CDH18: variants seen among roughly 807,000 people sequenced by gnomAD.
CDH18 encodes the protein cadherin-18.
A neutral mutation model predicts 67.9 loss-of-function variants in CDH18; 31 were observed. The ratio of observed to expected loss-of-function variants is 0.46; its 90% confidence interval spans 0.34 to 0.62. CDH18 has a LOEUF of 0.62. CDH18 is among the 20% of genes least tolerant of loss of function. The pLI, the probability that CDH18 is intolerant of heterozygous loss-of-function variation, is 0.01. For synonymous variants in CDH18, 362 were observed against 347.2 expected (o/e 1.04, Z -0.48); for missense variants, 890 against 975.5 (o/e 0.91, Z 1.17).
intron 1 of CDH18, among the ~76,000 whole-genome samples, chr5:19,984,814 T>G (rs1224651506): frequency 1.3e-5 from 2 of 152,178 alleles, no homozygotes; most frequent in Non-Finnish European, 2.9e-5. Context: ...TTAAGCTCAG[T>G]TCTTTTCCAT....
intron 1 of CDH18, chr5:20,305,007 AC>A (rs1417788172): frequency 3.1e-6 from 5 of 1,613,776 alleles, no homozygotes; most frequent in Non-Finnish European, 2.5e-6. Flanking sequence ...CACAAGCTTT[AC>A]TGGAAGCAAG....
intron 5 of CDH18, among the ~76,000 whole-genome samples, chr5:19,705,407 GC>G (rs2150500903): frequency 6.6e-6 from 1 of 152,246 alleles, no homozygotes; most frequent in Non-Finnish European, 1.5e-5. Context: ...GATACGACCT[GC>G]CCTAGGCATT....
rs996725061 is a variant in CDH18, at chr5:20,379,812, A to G, written c.-579-124307T>C. 2.3e-4 allele frequency among the ~76,000 whole-genome samples: 35 copies of G among 152,000 alleles called. 1 individual carries two copies. The highest frequency in any genetic ancestry group is 7.4e-5 in the Non-Finnish European group (5 of 67,992). ...AAATATGAAAAAAAAACATTAAATT[A>G]TCTCTGACTCTTGAAGAATCAGTAT... On this transcript the variant is annotated intron_variant, in intron 1 of 14. Transcript: ENST00000507958.
intron 9 of CDH18, among the ~76,000 whole-genome samples, chr5:19,521,038 G>C (rs909921920): frequency 6.6e-6 from 1 of 152,176 alleles, no homozygotes; most frequent in African/African-American, 2.4e-5. Context: ...TCAGGAACTT[G>C]AGTGGGAGAA....
intron 5 of CDH18, among the ~76,000 whole-genome samples, chr5:19,649,386 T>G (rs1374405471): frequency 6.6e-6 from 1 of 152,142 alleles, no homozygotes; most frequent in Non-Finnish European, 1.5e-5. Context: ...TCTATCATTC[T>G]GAGATCTCAA....
chr5:20,259,692 TAGC>T (rs1241233560), intron 1 of CDH18, among the ~76,000 whole-genome samples: 1 of 152,178 alleles, frequency 6.6e-6, no homozygotes, highest in Non-Finnish European at 1.5e-5. Flanking sequence ...AGTAACCCAT[TAGC>T]AGTTAAGTTT....
At chr5:20,322,095 A>G (rs4493674) in intron 1 of CDH18, among the ~76,000 whole-genome samples, 150,884 of 152,192 alleles carry the variant, frequency 0.99, 74,814 homozygotes, top group Middle Eastern at 1. Context: ...CAACAACATT[A>G]TATGCAGGAA....
At chr5:19,808,306 A>AAAC (rs1411275025) in intron 3 of CDH18, among the ~76,000 whole-genome samples, 1 of 150,684 alleles carries the variant, frequency 6.6e-6, no homozygotes, top group Non-Finnish European at 1.5e-5. Context: ...AAATAAAACA[A>AAAC]AACAACAACA....
intron 1 of CDH18, among the ~76,000 whole-genome samples, chr5:20,377,352 AT>A (rs1387226983): frequency 1.3e-5 from 2 of 152,218 alleles, no homozygotes; most frequent in African/African-American, 2.4e-5. Context: ...TTCCAAAAAA[AT>A]GAGAAAGAGA....
intron 2 of CDH18, among the ~76,000 whole-genome samples, chr5:19,911,987 G>A (rs1440604301): frequency 6.6e-6 from 1 of 152,054 alleles, no homozygotes; most frequent in Non-Finnish European, 1.5e-5. Flanking sequence ...CTGCTTTTGA[G>A]ATGTTAAGTA....
chr5:20,171,088 T>G (rs1255698768), intron 2 of CDH18, among the ~76,000 whole-genome samples: 1 of 152,094 alleles, frequency 6.6e-6, no homozygotes, highest in Non-Finnish European at 1.5e-5. Context: ...CTGGTGTATA[T>G]GTACCACATT....
At chr5:19,660,264 CTCTT>C (rs1756984594) in intron 5 of CDH18, among the ~76,000 whole-genome samples, 1 of 151,666 alleles carries the variant, frequency 6.6e-6, no homozygotes. Context: ...GAACGTTCAA[CTCTT>C]TCAGTTTCTA....
intron 1 of CDH18, among the ~76,000 whole-genome samples, chr5:20,290,069 G>A (rs1008141294): frequency 3.9e-5 from 6 of 152,054 alleles, no homozygotes; most frequent in Admixed American, 1.3e-4. Flanking sequence ...CCAAAGGCAG[G>A]GAGAAATAAT....
intron 1 of CDH18, among the ~76,000 whole-genome samples, chr5:20,367,682 T>G (rs1225228395): frequency 1.3e-5 from 2 of 152,212 alleles, no homozygotes; most frequent in East Asian, 1.9e-4. Flanking sequence ...CAAAGGGAAG[T>G]AAAAACAAGA....
At chr5:19,493,242 C>T (rs1250579971) in intron 11 of CDH18, among the ~76,000 whole-genome samples, 2 of 152,150 alleles carry the variant, frequency 1.3e-5, no homozygotes, top group Non-Finnish European at 2.9e-5. Context: ...TTCATATCAT[C>T]CTCATTTCCC....
intron 2 of CDH18, among the ~76,000 whole-genome samples, chr5:20,218,745 A>G (rs545996856): frequency 6.6e-6 from 1 of 152,054 alleles, no homozygotes; most frequent in Non-Finnish European, 1.5e-5. Flanking sequence ...ACCACCAAGT[A>G]AGAAGTGCCT....
chr5:20,533,762 T>C (rs1387514500), intron 1 of CDH18, among the ~76,000 whole-genome samples: 1 of 152,102 alleles, frequency 6.6e-6, no homozygotes, highest in Non-Finnish European at 1.5e-5. Flanking sequence ...ATTTTATTCA[T>C]GTAAATAGGC....
chr5:19,811,867 A>G (rs928624593), intron 3 of CDH18, among the ~76,000 whole-genome samples: 3 of 152,218 alleles, frequency 2.0e-5, no homozygotes, highest in African/African-American at 4.8e-5. Flanking sequence ...GAAAAAAATG[A>G]CCATTCAAGA....
intron 1 of CDH18, among the ~76,000 whole-genome samples, chr5:20,437,380 TTTC>T (rs969492242): frequency 1.3e-5 from 2 of 151,252 alleles, no homozygotes; most frequent in African/African-American, 4.9e-5. Context: ...ATTAATACAA[TTTC>T]TTTTGTACTA....
Sources: allele counts gnomAD v4.1 joint callset (sites outside exome capture counted in the v4.1 genomes callset), GRCh38; gene constraint gnomAD v4.1.1; transcripts MANE v1.5; gene names NCBI Gene and HGNC (gene_info 2026-07-23, HGNC 2026-07-21).